ASPH: variants seen among roughly 807,000 people sequenced by gnomAD.
ASPH encodes aspartate beta-hydroxylase.
In ASPH, 100 loss-of-function variants were observed where a neutral mutation model predicts 118.4. The observed-to-expected ratio is 0.84, with a 90% CI of 0.72 to 1.00. The LOEUF is 1.00. ASPH is among the 50% of genes least tolerant of loss of function. The pLI is 0.00. For missense variants in ASPH, 920 were observed against 919.5 expected, an observed-to-expected ratio of 1.00 and a Z score of -0.01; for synonymous variants, 315 against 325.6, an observed-to-expected ratio of 0.97 and a Z score of 0.35.
intron 1 of ASPH, among the ~76,000 whole-genome samples, chr8:61,685,507 C>A (rs1830119684): frequency 6.6e-6 from 1 of 152,096 alleles, no homozygotes; most frequent in South Asian, 2.1e-4. Flanking sequence ...TTTCAAAAAA[C>A]CCCACTAGCT....
intron 21 of ASPH, among the ~76,000 whole-genome samples, chr8:61,547,305 C>T (rs577902407): frequency 2.3e-4 from 35 of 152,336 alleles, no homozygotes; most frequent in South Asian, 6.2e-4. Flanking sequence ...AATGCTACAA[C>T]ATTTTCTGCC....
intron 1 of ASPH, among the ~76,000 whole-genome samples, chr8:61,713,920 C>A (rs1392341365): frequency 6.6e-6 from 1 of 152,182 alleles, no homozygotes; most frequent in East Asian, 1.9e-4. Context: ...ACACGCAAGG[C>A]AAACGATAAA....
chr8:61,643,328 A>G, intron 9 of ASPH, 58 bp downstream of exon 9: 1 of 1,521,006 alleles, frequency 6.6e-7, no homozygotes, highest in South Asian at 1.2e-5. Flanking sequence ...TAAACACAGC[A>G]TGTGATTGAA....
intron 17 of ASPH, among the ~76,000 whole-genome samples, chr8:61,563,292 C>T (rs1392000345): frequency 2.0e-5 from 3 of 152,112 alleles, no homozygotes; most frequent in African/African-American, 7.2e-5. Flanking sequence ...GTCTAGCACC[C>T]TGTATGCAAT....
intron 19 of ASPH, among the ~76,000 whole-genome samples, 153 bp downstream of exon 19, chr8:61,555,771 C>T (rs569090785): frequency 3.9e-5 from 6 of 152,308 alleles, no homozygotes; most frequent in East Asian, 1.9e-4. Flanking sequence ...TGGAGGCCCA[C>T]GCTGCTTATG....
chr8:61,674,841 AG>A (rs1010933514), intron 3 of ASPH, among the ~76,000 whole-genome samples: 2 of 152,214 alleles, frequency 1.3e-5, no homozygotes, highest in Admixed American at 6.5e-5. Context: ...ATAAAACGTG[AG>A]GAAGTGCAAG....
chr8:61,682,492 A>G (rs370729819), intron 2 of ASPH: 193 of 1,611,108 alleles, frequency 1.2e-4, no homozygotes, highest in Non-Finnish European at 6.2e-5. Flanking sequence ...GGCTGCATGC[A>G]TGTAAAAACA....
chr8:61,709,537 C>T (rs1837557671), intron 1 of ASPH, among the ~76,000 whole-genome samples: 1 of 152,198 alleles, frequency 6.6e-6, no homozygotes, highest in Non-Finnish European at 1.5e-5. Flanking sequence ...GCCCTTGCAC[C>T]TCCACATTTC....
At chr8:61,585,262 C>A (rs2882461) in intron 14 of ASPH, among the ~76,000 whole-genome samples, 132,429 of 152,190 alleles carry the variant, frequency 0.87, 57,860 homozygotes, top group African/African-American at 0.91. Flanking sequence ...ACTGGCAGTG[C>A]CTGCAGAGTG....
intron 19 of ASPH, among the ~76,000 whole-genome samples, chr8:61,554,707 C>T (rs895985544): frequency 1.3e-5 from 2 of 151,914 alleles, no homozygotes; most frequent in African/African-American, 4.8e-5. Flanking sequence ...CTGGGTCTTG[C>T]TCTGTTTTTT....
At chr8:61,507,318 G>A (rs17790020) in intron 24 of ASPH, among the ~76,000 whole-genome samples, 13,493 of 152,178 alleles carry the variant, frequency 0.089, 683 homozygotes, top group Non-Finnish European at 0.12. Flanking sequence ...AATTTGGGGA[G>A]GTATACCAAA....
At chr8:61,526,235 C>T in intron 21 of ASPH, 123 bp from the exon 22 acceptor site, 3 of 1,297,756 alleles carry the variant, frequency 2.3e-6, no homozygotes, top group Non-Finnish European at 3.1e-6. Context: ...ATCTAGATTG[C>T]TTATATTTCA....
chr8:61,663,135 G>C (rs962746704), intron 3 of ASPH: 10 of 985,356 alleles, frequency 1.0e-5, no homozygotes, highest in Non-Finnish European at 1.1e-5. Flanking sequence ...TATGGTTTGA[G>C]AATCGTGTAA....
intron 18 of ASPH, among the ~76,000 whole-genome samples, chr8:61,561,639 G>A (rs1382486652): frequency 6.6e-6 from 1 of 152,190 alleles, no homozygotes; most frequent in Non-Finnish European, 1.5e-5. Context: ...TACTGTAAAA[G>A]GAGTAGGGTG....
intron 3 of ASPH, among the ~76,000 whole-genome samples, chr8:61,669,208 C>T (rs753599378): frequency 6.6e-5 from 10 of 152,128 alleles, no homozygotes; most frequent in Non-Finnish European, 1.0e-4. Context: ...CCACTTTGTA[C>T]GTTTCTCAAA....
At chr8:61,674,409 A>C (rs1233955954) in intron 3 of ASPH, among the ~76,000 whole-genome samples, 1 of 152,258 alleles carries the variant, frequency 6.6e-6, no homozygotes, top group Non-Finnish European at 1.5e-5. Flanking sequence ...ATTTGGAAAC[A>C]GAAGCTTTAA....
At chr8:61,574,719 T>C (rs746991595) in intron 16 of ASPH, among the ~76,000 whole-genome samples, 14 of 152,028 alleles carry the variant, frequency 9.2e-5, no homozygotes, top group Non-Finnish European at 1.9e-4. Flanking sequence ...AGGGGAGGGA[T>C]AGCATTAGGA....
At chr8:61,700,084 A>C (rs1022061457) in intron 1 of ASPH, among the ~76,000 whole-genome samples, 1 of 152,228 alleles carries the variant, frequency 6.6e-6, no homozygotes, top group African/African-American at 2.4e-5. Flanking sequence ...CCCAAGAGCA[A>C]GGGGGGATGA....
intron 13 of ASPH, among the ~76,000 whole-genome samples, chr8:61,623,061 C>T (rs1356897598): frequency 1.3e-5 from 2 of 152,110 alleles, no homozygotes; most frequent in Non-Finnish European, 2.9e-5. Flanking sequence ...CATCCACTCA[C>T]GATGAAATTA....
Sources: gnomAD v4.1 joint callset for allele counts (sites outside exome capture counted in the v4.1 genomes callset) on GRCh38, gnomAD v4.1.1 for gene constraint, MANE v1.5 for transcripts, NCBI Gene and HGNC (gene_info 2026-07-23, HGNC 2026-07-21) for gene names.